The following ISG20 variants were observed in gnomAD, a reference collection of about 807,000 sequenced individuals.
The protein encoded by ISG20 is interferon stimulated exonuclease gene 20, also known as interferon-stimulated gene 20 kDa protein.
Under a neutral mutation model 11.1 loss-of-function variants are expected in ISG20, and 8 were observed. The observed-to-expected ratio is 0.72, with a 90% CI of 0.42 to 1.30. The LOEUF (loss-of-function observed/expected upper bound fraction) is 1.30, where lower values mean the gene tolerates loss of function less well. Among genes scored for constraint, ISG20 ranks in the 50% most tolerant of loss-of-function variants. The pLI is 0.01. For synonymous variants in ISG20, 110 were observed against 101.7 expected (o/e 1.08, Z -0.49); for missense variants, 243 against 250.2 (o/e 0.97, Z 0.19).
intron 2 of ISG20, among the ~76,000 whole-genome samples, chr15:88,642,253 C>G (rs2058094466): frequency 6.6e-6 from 1 of 152,062 alleles, no homozygotes; most frequent in Non-Finnish European, 1.5e-5. Context: ...CAAAGGACAC[C>G]AATCATATTG....
chr15:88,645,181 C>T (rs995674633), intron 2 of ISG20, among the ~76,000 whole-genome samples: 1 of 152,176 alleles, frequency 6.6e-6, no homozygotes. Context: ...GCTCCATCAC[C>T]TATAGGTTTG....
At chr15:88,651,718 TG>T in intron 2 of ISG20, 1 of 933,546 alleles carries the variant, frequency 1.1e-6, no homozygotes, top group Non-Finnish European at 1.3e-6. Context: ...TCACAGATCC[TG>T]GGGACTAGGG....
In ISG20 at chr15:88,639,540, G is replaced by A. The variant is rs1193422392; in HGVS notation, c.174G>A (p.Gly58=). ...EITDYRTRVS[G]VTPQHMVGAT... is the part of the protein sequence containing the mutation. The stretch of plus-strand genomic sequence containing the variant: ...CCGATTACAGAACCCGGGTCAGCGG[G>A]GTCACCCCTCAGCACATGGTGGGGG... The change falls in exon 2 of 4, where the codon GGG becomes GGA. Residue 58 remains glycine, a synonymous_variant. Coordinates refer to ENST00000306072, the MANE Select transcript of ISG20 (RefSeq NM_002201.6). This position sits in a 1 kb window ranked among gnomAD's most constrained non-coding sequence, Gnocchi z 4.2. 8.7e-6 allele frequency: 14 copies of A among 1,614,014 alleles called. No homozygotes were observed. The highest frequency in any genetic ancestry group is 4.4e-5 in the South Asian group (4 of 91,086).
Position 88,641,757 on chromosome 15 carries a change from G to T in ISG20, c.228+2163G>T, listed in dbSNP as rs769184979. On this transcript the variant is annotated intron_variant, in intron 2 of 3. Transcript: ENST00000306072. ...AGTGATTCTCCTGCCTCAGCCTTCT[G>T]AGTAGTTGGGACTACAGGCACGAGC... 2.6e-5 allele frequency among the ~76,000 whole-genome samples: 4 copies of T among 151,764 alleles called. No individual in the cohort carries two copies. The East Asian group carries it at 7.8e-4, about 30-fold the overall frequency.
rs1452843429 is a variant in ISG20, at chr15:88,650,176, C to T, written c.229-1934C>T. 1 of 1,424,154 alleles carries T rather than the reference C, an allele frequency of 7.0e-7. No homozygotes were observed. Among genetic ancestry groups the T allele is most frequent in the East Asian group, 2.5e-5 (1 of 40,260 alleles). The allele number at this position is 1,424,154 out of a possible 1,614,324, so 88.2% of individuals were successfully genotyped here. The stretch of plus-strand genomic sequence containing the variant: ...TGTCCTAGAGCTGTCCAAAGTGGGC[C>T]TGGACTAGCCACGAGCCGCCCCTTT... On this transcript the variant is annotated intron_variant, in intron 2 of 3. Transcript: ENST00000306072. This position sits in a 1 kb window ranked among gnomAD's most constrained non-coding sequence, Gnocchi z 4.0.
intron 2 of ISG20, chr15:88,651,904 T>G: frequency 2.8e-6 from 4 of 1,408,614 alleles, no homozygotes; most frequent in Non-Finnish European, 3.7e-6. Context: ...CAGGTGGGCT[T>G]TTGGCACAGA....
Sources: gnomAD v4.1 joint callset for allele counts (sites outside exome capture counted in the v4.1 genomes callset) on GRCh38, gnomAD v4.1.1 for gene constraint, Gnocchi (gnomAD v3.1) non-coding constraint, MANE v1.5 for transcripts, NCBI Gene and HGNC (gene_info 2026-07-23, HGNC 2026-07-21) for gene names.